NLGN1: variants seen among roughly 807,000 people sequenced by gnomAD.
The protein encoded by NLGN1 is neuroligin-1.
A neutral mutation model predicts 65.5 loss-of-function variants in NLGN1; 12 were observed. The ratio of observed to expected loss-of-function variants is 0.18; its 90% CI spans 0.12 to 0.30. The LOEUF (loss-of-function observed/expected upper bound fraction) is 0.30. NLGN1 is among the 10% of genes least tolerant of loss of function. The probability of loss-of-function intolerance (pLI) is 1.00; values close to 1 mark genes in which losing one functional copy is unlikely to be tolerated. For missense variants in NLGN1, 750 were observed against 1,007.1 expected (o/e 0.74, Z 3.46); for synonymous variants, 350 against 359.5 (o/e 0.97, Z 0.30).
At chr3:173,754,810 A>G (rs900728818) in intron 3 of NLGN1, among the ~76,000 whole-genome samples, 1 of 152,060 alleles carries the variant, frequency 6.6e-6, no homozygotes, top group Non-Finnish European at 1.5e-5. Context: ...TTGCTTTCAT[A>G]TCATGCATTT....
intron 4 of NLGN1, among the ~76,000 whole-genome samples, chr3:174,198,912 G>A (rs761462683): frequency 7.8e-5 from 10 of 128,790 alleles, no homozygotes; most frequent in Non-Finnish European, 1.1e-4. Context: ...GCAATGCACT[G>A]TCTCAGCTCA....
intron 4 of NLGN1, among the ~76,000 whole-genome samples, chr3:173,859,239 T>C (rs1728605884): frequency 6.6e-6 from 1 of 152,144 alleles, no homozygotes; most frequent in Admixed American, 6.5e-5. Context: ...TTGAACATCT[T>C]TTAATAACTA....
intron 4 of NLGN1, among the ~76,000 whole-genome samples, chr3:173,914,495 G>T (rs1277552956): frequency 6.6e-6 from 1 of 151,248 alleles, no homozygotes; most frequent in African/African-American, 2.4e-5. Flanking sequence ...GAGCCTTAAT[G>T]AATATATGTA....
chr3:173,788,206 CAAAAAAAAAAAA>C (rs537790655), intron 3 of NLGN1, among the ~76,000 whole-genome samples: 13 of 60,848 alleles, frequency 2.1e-4, no homozygotes, highest in Admixed American at 1.6e-3. Context: ...TGACATTTTG[CAAAAAAAAAAAA>C]AAAAAAAAAG....
At chr3:173,780,160 T>A (rs1780908023) in intron 3 of NLGN1, among the ~76,000 whole-genome samples, 1 of 152,242 alleles carries the variant, frequency 6.6e-6, no homozygotes, top group South Asian at 2.1e-4. Context: ...CCTTAATTCA[T>A]GCTGCAATGC....
rs1221682536 is a variant in NLGN1 at position 173,968,420 on chromosome 3, TTCTATA to T, written c.646+160600_646+160605del. Reference sequence around the variant, plus strand: ...GGGATATATCTGTATCTATATTTATTTCTATATCTATATCTATCCCTCAACCAATTA... The same window carrying T: ...GGGATATATCTGTATCTATATTTATTTCTATATCTATCCCTCAACCAATTA... On this transcript the variant is annotated intron_variant, in intron 4 of 6. Coordinates refer to ENST00000457714, the Ensembl canonical transcript of NLGN1. 5.3e-5 allele frequency among the ~76,000 whole-genome samples: 8 copies of T among 152,206 alleles called. No homozygotes were observed. The East Asian group carries it at 1.4e-3, about 26-fold the overall frequency.
intron 4 of NLGN1, among the ~76,000 whole-genome samples, chr3:173,896,955 A>C (rs1346897149): frequency 6.6e-6 from 1 of 152,122 alleles, no homozygotes; most frequent in Non-Finnish European, 1.5e-5. Context: ...TGATTACCAC[A>C]CTTACTACTA....
intron 2 of NLGN1, among the ~76,000 whole-genome samples, chr3:173,508,277 A>G (rs1217280368): frequency 6.6e-6 from 1 of 152,154 alleles, no homozygotes; most frequent in Admixed American, 6.6e-5. Flanking sequence ...AGGTATTACT[A>G]CATGTCTCTT....
intron 2 of NLGN1, among the ~76,000 whole-genome samples, chr3:173,594,571 G>T (rs886654430): frequency 2.0e-5 from 3 of 152,186 alleles, no homozygotes; most frequent in Non-Finnish European, 4.4e-5. Context: ...GCTGTGGGTG[G>T]ATCTACCATT....
At position 173,554,376 on chromosome 3, in the gene NLGN1, G is replaced by A. The variant is rs538374570; in HGVS notation, c.-320-49903G>A. Among the ~76,000 whole-genome samples the A allele has an allele frequency of 2.6e-5, 4 of 152,276 alleles. No individual in the cohort carries two copies. The South Asian group carries it at 8.3e-4, about 32-fold the overall frequency. On this transcript the variant is annotated intron_variant, in intron 2 of 6. Coordinates refer to ENST00000457714, the Ensembl canonical transcript of NLGN1. ...GCAGTGGTAAGAGAGAGAATCCAGT[G>A]TATGGTAATGAAAAATACCCACTGT... is the stretch of plus-strand genomic sequence containing the variant.
chr3:173,879,813 C>A (rs551409869), intron 4 of NLGN1, among the ~76,000 whole-genome samples: 1 of 152,160 alleles, frequency 6.6e-6, no homozygotes, highest in South Asian at 2.1e-4. Flanking sequence ...TCTAGAATTT[C>A]TAGTTGTCAT....
chr3:174,173,949 A>G (rs968791916), intron 4 of NLGN1, among the ~76,000 whole-genome samples: 1 of 151,916 alleles, frequency 6.6e-6, no homozygotes, highest in Admixed American at 6.6e-5. Context: ...ACTGCACCCA[A>G]TTAGTGGTCT....
At chr3:173,815,402 C>G (rs1718835531) in intron 4 of NLGN1, among the ~76,000 whole-genome samples, 1 of 152,128 alleles carries the variant, frequency 6.6e-6, no homozygotes, top group South Asian at 2.1e-4. Context: ...CCACCGCACC[C>G]AGCCCCATTT....
intron 3 of NLGN1, among the ~76,000 whole-genome samples, chr3:173,768,231 C>T (rs916769654): frequency 5.3e-5 from 8 of 152,088 alleles, no homozygotes; most frequent in Non-Finnish European, 1.2e-4. Context: ...AAAAGTAATT[C>T]ATTGAATTTT....
chr3:173,487,966 A>G (rs1196272733), intron 2 of NLGN1, among the ~76,000 whole-genome samples: 1 of 151,500 alleles, frequency 6.6e-6, no homozygotes, highest in Admixed American at 6.6e-5. Context: ...ATTCTTTTTC[A>G]TCTTATGTGC....
At chr3:173,536,547 C>T (rs893864185) in intron 2 of NLGN1, among the ~76,000 whole-genome samples, 12 of 152,180 alleles carry the variant, frequency 7.9e-5, no homozygotes, top group Non-Finnish European at 4.4e-5. Flanking sequence ...GCCAACATGG[C>T]CTCTACTCCA....
At chr3:173,802,269 C>T (rs1253923681) in intron 3 of NLGN1, among the ~76,000 whole-genome samples, 1 of 152,038 alleles carries the variant, frequency 6.6e-6, no homozygotes, top group African/African-American at 2.4e-5. Context: ...TTTTGAAGCA[C>T]ATTTAACATT....
At chr3:173,810,255 C>T (rs184424525) in intron 4 of NLGN1, among the ~76,000 whole-genome samples, 41 of 152,290 alleles carry the variant, frequency 2.7e-4, no homozygotes, top group East Asian at 2.5e-3. Flanking sequence ...AACAGCTCAT[C>T]GGACAGAACT....
chr3:174,002,850 T>C (rs1180377348), intron 4 of NLGN1, among the ~76,000 whole-genome samples: 1 of 152,244 alleles, frequency 6.6e-6, no homozygotes, highest in African/African-American at 2.4e-5. Flanking sequence ...AGCTGCAAGC[T>C]ATTCATTGCA....
Sources: gnomAD v4.1 joint callset for allele counts (sites outside exome capture counted in the v4.1 genomes callset) on GRCh38, gnomAD v4.1.1 for gene constraint, MANE v1.5 for transcripts, NCBI Gene and HGNC (gene_info 2026-07-23, HGNC 2026-07-21) for gene names.